The following PAK3 variants were observed in gnomAD, a reference collection of about 807,000 sequenced individuals.
The protein encoded by PAK3 is p21 (RAC1) activated kinase 3, also known as serine/threonine-protein kinase PAK 3.
A neutral mutation model predicts 41.0 loss-of-function variants in PAK3; 4 were observed. That is an observed-to-expected ratio of 0.10 (90% confidence interval 0.05 to 0.22). The LOEUF (loss-of-function observed/expected upper bound fraction) is 0.22, where lower values mean the gene tolerates loss of function less well. Ranked by LOEUF, PAK3 falls within the 10% of genes least tolerant of loss-of-function variation. The pLI is 1.00. For synonymous variants in PAK3, 146 were observed against 139.6 expected (o/e 1.05, Z -0.32); for missense variants, 205 against 409.9 (o/e 0.50, Z 4.32).
At chrX:111,189,803 C>T (rs184814309) in intron 11 of PAK3, among the ~76,000 whole-genome samples, 5 of 111,601 alleles carry the variant, frequency 4.5e-5, no homozygotes, top group Non-Finnish European at 5.6e-5. Flanking sequence ...TACACCAAGT[C>T]GAGGTGATCT....
chrX:110,999,566 C>A (rs753699392), intron 1 of PAK3, among the ~76,000 whole-genome samples: 41 of 110,333 alleles, frequency 3.7e-4, no homozygotes, highest in African/African-American at 1.4e-3. Context: ...TGAATCTAGG[C>A]AGTCTGGCTT....
At chrX:111,100,413 C>T (rs1225762466) in intron 3 of PAK3, among the ~76,000 whole-genome samples, 1 of 111,451 alleles carries the variant, frequency 9.0e-6, no homozygotes, top group Non-Finnish European at 1.9e-5. Flanking sequence ...CCCCATGCAT[C>T]CCCGGTCCCA....
chrX:110,984,199 T>G (rs1311813108), intron 1 of PAK3, among the ~76,000 whole-genome samples: 1 of 112,039 alleles, frequency 8.9e-6, no homozygotes, highest in Non-Finnish European at 1.9e-5. Flanking sequence ...TTACATAAGA[T>G]TGTGCAGATG....
chrX:111,079,186 A>G (rs1229100844), intron 1 of PAK3, among the ~76,000 whole-genome samples: 4 of 112,155 alleles, frequency 3.6e-5, no homozygotes, highest in African/African-American at 1.3e-4. Flanking sequence ...CTAAACAATG[A>G]ATTTTCAATA....
chrX:111,203,595 G>C (rs2094707379), intron 16 of PAK3, among the ~76,000 whole-genome samples: 1 of 111,579 alleles, frequency 9.0e-6, no homozygotes. Context: ...CCCTTTTCCT[G>C]CACTTAAAGC....
chrX:111,195,812 T>A (rs759558271), intron 14 of PAK3, 30 bp from the exon 15 acceptor site: 1 of 909,608 alleles, frequency 1.1e-6, no homozygotes, highest in Non-Finnish European at 1.6e-6. Flanking sequence ...ATTTGTGATA[T>A]AATTAGAACT....
chrX:111,190,460 A>T (rs2149311420), intron 11 of PAK3, among the ~76,000 whole-genome samples: 1 of 111,877 alleles, frequency 8.9e-6, no homozygotes, highest in South Asian at 3.8e-4. Flanking sequence ...GCAGTGTCTG[A>T]CATATACAAC....
intron 5 of PAK3, among the ~76,000 whole-genome samples, chrX:111,131,885 C>T (rs1338814806): frequency 1.8e-5 from 2 of 111,804 alleles, no homozygotes; most frequent in East Asian, 2.8e-4. Context: ...CTTACTGTTA[C>T]CTAAGTATAA....
At chrX:111,156,065 A>G (rs2094103373) in intron 8 of PAK3, among the ~76,000 whole-genome samples, 1 of 111,678 alleles carries the variant, frequency 9.0e-6, no homozygotes, top group African/African-American at 3.3e-5. Context: ...AGAATGAATT[A>G]AGTACAAATG....
At chrX:110,987,989 G>T (rs1037183840) in intron 1 of PAK3, among the ~76,000 whole-genome samples, 24 of 112,566 alleles carry the variant, frequency 2.1e-4, no homozygotes, top group African/African-American at 7.4e-4. Context: ...GAATTTAAGT[G>T]AGATAATAAA....
chrX:111,112,721 T>C (rs2093397286), intron 4 of PAK3, among the ~76,000 whole-genome samples: 1 of 111,967 alleles, frequency 8.9e-6, no homozygotes, highest in Non-Finnish European at 1.9e-5. Context: ...CTAGAGTTAG[T>C]CATTCATTCC....
At chrX:111,052,245 C>A (rs1177260850) in intron 1 of PAK3, among the ~76,000 whole-genome samples, 1 of 112,561 alleles carries the variant, frequency 8.9e-6, no homozygotes, top group Non-Finnish European at 1.9e-5. Context: ...AAGAAGCAGG[C>A]AAGCATCAGA....
At chrX:111,216,824 T>TG (rs745740215) in intron 17 of PAK3, 1 of 410,900 alleles carries the variant, frequency 2.4e-6, no homozygotes, top group Non-Finnish European at 3.1e-6. Context: ...AAAAGCAATG[T>TG]GACCCTCTGG....
At chrX:111,057,575 C>A (rs1191442191) in intron 1 of PAK3, among the ~76,000 whole-genome samples, 4 of 111,787 alleles carry the variant, frequency 3.6e-5, no homozygotes, top group African/African-American at 1.3e-4. Context: ...CATTTAATAT[C>A]CAGTTAACAT....
At chrX:110,974,593 C>T (rs1037153999) in intron 1 of PAK3, among the ~76,000 whole-genome samples, 5 of 111,823 alleles carry the variant, frequency 4.5e-5, no homozygotes, top group Non-Finnish European at 9.4e-5. Context: ...AGAGAGAATC[C>T]TCCCTAACTC....
chrX:111,057,335 C>G (rs1603041190), intron 1 of PAK3, among the ~76,000 whole-genome samples: 3 of 111,882 alleles, frequency 2.7e-5, no homozygotes, highest in African/African-American at 9.7e-5. Context: ...CAATGCATAT[C>G]CATATGATCA....
At chrX:111,160,037 T>C (rs1343452586) in intron 8 of PAK3, among the ~76,000 whole-genome samples, 1 of 111,728 alleles carries the variant, frequency 9.0e-6, no homozygotes, top group Non-Finnish European at 1.9e-5. Context: ...GATGTAATGG[T>C]CTATTAATAG....
At chrX:111,084,493 T>C (rs922372331) in intron 1 of PAK3, among the ~76,000 whole-genome samples, 18 of 112,876 alleles carry the variant, frequency 1.6e-4, no homozygotes, top group African/African-American at 4.8e-4. Context: ...TAAACATGGG[T>C]TGCTTATCTT....
chrX:110,997,269 G>T (rs926233892), intron 1 of PAK3, among the ~76,000 whole-genome samples: 1 of 111,051 alleles, frequency 9.0e-6, no homozygotes, highest in African/African-American at 3.3e-5. Context: ...GTAAGAAGGG[G>T]TATCATAGAG....
Sources: allele counts gnomAD v4.1 joint callset (sites outside exome capture counted in the v4.1 genomes callset), GRCh38; gene constraint gnomAD v4.1.1; transcripts MANE v1.5; gene names NCBI Gene and HGNC (gene_info 2026-07-23, HGNC 2026-07-21).